The following GLT1D1 variants were observed in gnomAD, a reference collection of about 807,000 sequenced individuals.
GLT1D1 encodes the protein glycosyltransferase 1 domain containing 1.
Under a neutral mutation model 28.7 loss-of-function variants are expected in GLT1D1, and 21 were observed. That is an observed-to-expected ratio of 0.73 (90% CI 0.52 to 1.05). The LOEUF is 1.05. GLT1D1 is among the 50% of genes least tolerant of loss of function. The probability of loss-of-function intolerance (pLI) is 0.00; values close to 1 mark genes in which losing one functional copy is unlikely to be tolerated. For missense variants in GLT1D1, 343 were observed against 330.6 expected (o/e 1.04, Z -0.29); for synonymous variants, 147 against 124.8 (o/e 1.18, Z -1.19).
At chr12:128,954,137 T>G (rs1352407871) in intron 6 of GLT1D1, among the ~76,000 whole-genome samples, 1 of 151,170 alleles carries the variant, frequency 6.6e-6, no homozygotes, top group South Asian at 2.1e-4. Context: ...TTGTTTTTGT[T>G]TTTTGAGATG....
chr12:128,970,721 A>C (rs1326201560), intron 7 of GLT1D1, among the ~76,000 whole-genome samples: 1 of 152,180 alleles, frequency 6.6e-6, no homozygotes, highest in Non-Finnish European at 1.5e-5. Context: ...TCTTGGTTGA[A>C]ATCACCTTGG....
chr12:128,919,941 A>T (rs1332587576), intron 4 of GLT1D1, among the ~76,000 whole-genome samples: 1 of 115,650 alleles, frequency 8.6e-6, no homozygotes. Flanking sequence ...TTTATTGCTT[A>T]TTTCTCTCTC....
At chr12:128,938,943 A>G (rs948506955) in intron 4 of GLT1D1, among the ~76,000 whole-genome samples, 8 of 152,200 alleles carry the variant, frequency 5.3e-5, no homozygotes, top group Non-Finnish European at 7.3e-5. Flanking sequence ...GATGAGCCAG[A>G]TATGATAACT....
intron 4 of GLT1D1, among the ~76,000 whole-genome samples, chr12:128,919,981 C>CCA (rs756735416): frequency 4.0e-4 from 1 of 2,502 alleles, no homozygotes; most frequent in African/African-American, 1.2e-3. Context: ...CTCTCTCTCT[C>CCA]TCTCTCTCTC....
intron 4 of GLT1D1, among the ~76,000 whole-genome samples, chr12:128,929,100 C>T (rs907985816): frequency 6.6e-6 from 1 of 152,176 alleles, no homozygotes; most frequent in African/African-American, 2.4e-5. Flanking sequence ...AGCTGCCTCG[C>T]CCCTTCCACC....
At chr12:128,860,827 AC>A (rs1298741992) in intron 1 of GLT1D1, among the ~76,000 whole-genome samples, 1 of 151,460 alleles carries the variant, frequency 6.6e-6, no homozygotes, top group African/African-American at 2.4e-5. Flanking sequence ...AAGGGTCCCC[AC>A]CCCCCTCTGA....
At chr12:128,907,437 C>G in intron 4 of GLT1D1, among the ~76,000 whole-genome samples, 1 of 151,838 alleles carries the variant, frequency 6.6e-6, no homozygotes, top group Non-Finnish European at 1.5e-5. Context: ...TCCCGAGTAG[C>G]TGGGACTACA....
intron 4 of GLT1D1, among the ~76,000 whole-genome samples, chr12:128,919,974 TCTCTCTCTCTCTCTCTCCCC>T (rs56720878): frequency 0.56 from 34,341 of 60,922 alleles, 5,357 homozygotes; most frequent in South Asian, 0.65. Flanking sequence ...TCTCTCTCTC[TCTCTCTCTCTCTCTCTCCCC>T]CTCCATCTCT....
chr12:128,870,818 CCATCTCTACTAAAAA>C (rs1306110077), intron 1 of GLT1D1, among the ~76,000 whole-genome samples: 163 of 151,758 alleles, frequency 1.1e-3, no homozygotes, highest in African/African-American at 3.9e-3. Flanking sequence ...TGGTGAAACT[CCATCTCTACTAAAAA>C]TACAAAAATT....
chr12:128,952,126 T>A (rs1392862434), intron 6 of GLT1D1, among the ~76,000 whole-genome samples: 1 of 152,006 alleles, frequency 6.6e-6, no homozygotes, highest in Non-Finnish European at 1.5e-5. Flanking sequence ...CTTGTTATCA[T>A]GGAAGCCGTG....
chr12:128,875,821 C>G (rs1207836425), intron 1 of GLT1D1, 93 bp from the exon 2 acceptor site: 1 of 1,150,658 alleles, frequency 8.7e-7, no homozygotes, highest in African/African-American at 1.6e-5. Context: ...ACAACAACAA[C>G]CAAAAAAAAA....
intron 4 of GLT1D1, among the ~76,000 whole-genome samples, chr12:128,915,367 A>ATTT (rs111881790): frequency 7.0e-6 from 1 of 143,780 alleles, no homozygotes; most frequent in Non-Finnish European, 1.5e-5. Flanking sequence ...TATGCAACAC[A>ATTT]TTTTTTTTTT....
At chr12:128,953,323 A>G (rs1321600559) in intron 6 of GLT1D1, among the ~76,000 whole-genome samples, 1 of 152,048 alleles carries the variant, frequency 6.6e-6, no homozygotes, top group East Asian at 1.9e-4. Flanking sequence ...GAAGCTCAAA[A>G]GTTTTTAATT....
chr12:128,972,818 T>C (rs1047490369), intron 7 of GLT1D1, among the ~76,000 whole-genome samples: 4 of 152,212 alleles, frequency 2.6e-5, no homozygotes, highest in Non-Finnish European at 5.9e-5. Flanking sequence ...ATTGTATACA[T>C]GTATGGTGTA....
chr12:128,968,275 G>A (rs557986483), intron 7 of GLT1D1, among the ~76,000 whole-genome samples: 106 of 151,856 alleles, frequency 7.0e-4, no homozygotes, highest in African/African-American at 2.3e-3. Flanking sequence ...GATTACAGGC[G>A]TGAGCCACTG....
chr12:128,930,146 C>T (rs568800209), intron 4 of GLT1D1: 1 of 152,262 alleles, frequency 6.6e-6, no homozygotes, highest in Non-Finnish European at 1.5e-5. Flanking sequence ...CAAGATAATT[C>T]CCAGTGTGCT....
At chr12:128,912,314 T>C (rs1871623533) in intron 4 of GLT1D1, 110 bp from the exon 5 acceptor site, 1 of 624,940 alleles carries the variant, frequency 1.6e-6, no homozygotes, top group Non-Finnish European at 2.8e-6. Flanking sequence ...TTCTCAGTGA[T>C]GTTTTCCAGG....
intron 3 of GLT1D1, among the ~76,000 whole-genome samples, chr12:128,890,034 A>G (rs1359156969): frequency 6.6e-6 from 1 of 152,202 alleles, no homozygotes; most frequent in Non-Finnish European, 1.5e-5. Flanking sequence ...TCGGCCTCCC[A>G]AAGTGCTGGG....
chr12:128,887,094 C>A (rs1246344978), intron 2 of GLT1D1, among the ~76,000 whole-genome samples: 5 of 152,000 alleles, frequency 3.3e-5, no homozygotes, highest in African/African-American at 1.2e-4. Context: ...TCACTCCAAC[C>A]TCTGCCTCCC....
Sources: allele counts gnomAD v4.1 joint callset (sites outside exome capture counted in the v4.1 genomes callset), GRCh38; gene constraint gnomAD v4.1.1; transcripts MANE v1.5; gene names NCBI Gene and HGNC (gene_info 2026-07-23, HGNC 2026-07-21).